The following SPAG16 variants were observed in gnomAD, a reference collection of about 807,000 sequenced individuals.
SPAG16 encodes sperm associated antigen 16, also known as sperm-associated antigen 16 protein.
A neutral mutation model predicts 80.4 loss-of-function variants in SPAG16; 86 were observed. The ratio of observed to expected loss-of-function variants is 1.07; its 90% CI spans 0.90 to 1.28. SPAG16 has a LOEUF of 1.28. SPAG16 is among the 50% of genes most tolerant of loss of function. The pLI, the probability that SPAG16 is intolerant of heterozygous loss-of-function variation, is 0.00. For missense variants in SPAG16, 870 were observed against 765.3 expected (o/e 1.14, Z -1.61); for synonymous variants, 294 against 265.9 (o/e 1.11, Z -1.03).
At chr2:214,086,193 A>G (rs1299155800) in intron 13 of SPAG16, among the ~76,000 whole-genome samples, 1 of 152,114 alleles carries the variant, frequency 6.6e-6, no homozygotes, top group Admixed American at 6.6e-5. Context: ...ATTTTCTTTC[A>G]TTTCATTTCA....
chr2:213,407,122 C>G (rs1442304455), intron 9 of SPAG16, among the ~76,000 whole-genome samples: 1 of 152,112 alleles, frequency 6.6e-6, no homozygotes, highest in African/African-American at 2.4e-5. Context: ...TCACAAACAA[C>G]CCTGCTTGCA....
At chr2:213,415,384 G>A (rs779455190) in intron 9 of SPAG16, among the ~76,000 whole-genome samples, 11 of 152,178 alleles carry the variant, frequency 7.2e-5, no homozygotes, top group East Asian at 1.9e-4. Context: ...TCTCTGAAGC[G>A]GCTTAGAAAC....
chr2:214,157,908 C>A (rs2056282720), intron 15 of SPAG16, among the ~76,000 whole-genome samples: 1 of 151,986 alleles, frequency 6.6e-6, no homozygotes, highest in African/African-American at 2.4e-5. Flanking sequence ...CAACTTTAAG[C>A]ACAATGTTTT....
intron 7 of SPAG16, among the ~76,000 whole-genome samples, chr2:213,361,374 G>A (rs2065968396): frequency 6.7e-6 from 1 of 149,650 alleles, no homozygotes; most frequent in South Asian, 2.1e-4. Context: ...ATGTGTGTGT[G>A]TGTGTATATA....
intron 5 of SPAG16, among the ~76,000 whole-genome samples, chr2:213,332,614 T>C (rs957423315): frequency 1.3e-5 from 2 of 151,982 alleles, no homozygotes; most frequent in African/African-American, 4.8e-5. Context: ...TGATGTTGAT[T>C]CAAAAATCAA....
At chr2:213,896,801 A>G (rs1268127274) in intron 11 of SPAG16, among the ~76,000 whole-genome samples, 1 of 152,060 alleles carries the variant, frequency 6.6e-6, no homozygotes, top group African/African-American at 2.4e-5. Flanking sequence ...ATGTTCTCAC[A>G]TGTTCTCACT....
chr2:214,278,195 G>GC (rs954750750), intron 15 of SPAG16, among the ~76,000 whole-genome samples: 3 of 152,140 alleles, frequency 2.0e-5, no homozygotes, highest in African/African-American at 7.2e-5. Context: ...AGGCGGGAGT[G>GC]CCCCATTTTT....
At chr2:213,943,128 T>C (rs901582189) in intron 12 of SPAG16, among the ~76,000 whole-genome samples, 1 of 152,170 alleles carries the variant, frequency 6.6e-6, no homozygotes, top group Non-Finnish European at 1.5e-5. Context: ...AAATAAATGT[T>C]CATTATTTAA....
chr2:214,008,825 G>T (rs1004205152), intron 12 of SPAG16, among the ~76,000 whole-genome samples: 1 of 152,094 alleles, frequency 6.6e-6, no homozygotes, highest in Non-Finnish European at 1.5e-5. Flanking sequence ...CCTGGAAAAG[G>T]TATTGAGTTC....
chr2:213,607,164 G>C (rs767937497), intron 10 of SPAG16, among the ~76,000 whole-genome samples: 1 of 152,054 alleles, frequency 6.6e-6, no homozygotes, highest in Non-Finnish European at 1.5e-5. Context: ...CTCAAATTCA[G>C]TTTCTTCCAT....
chr2:214,049,259 G>C (rs1210677395), intron 13 of SPAG16, among the ~76,000 whole-genome samples: 2 of 152,152 alleles, frequency 1.3e-5, no homozygotes, highest in Non-Finnish European at 2.9e-5. Context: ...ATGGAGCTTT[G>C]TTGTATTAAA....
At chr2:213,675,710 A>G (rs1261706095) in intron 10 of SPAG16, among the ~76,000 whole-genome samples, 4 of 152,010 alleles carry the variant, frequency 2.6e-5, no homozygotes, top group Admixed American at 6.5e-5. Flanking sequence ...TTGTGGCGTT[A>G]TTTCTGAGGG....
intron 15 of SPAG16, among the ~76,000 whole-genome samples, chr2:214,296,284 T>TATCA (rs1238968909): frequency 1.3e-5 from 2 of 152,226 alleles, no homozygotes; most frequent in Admixed American, 1.3e-4. Context: ...TGTTTAATCC[T>TATCA]ATCATCCATT....
chr2:214,101,399 C>T (rs555775422), intron 13 of SPAG16, among the ~76,000 whole-genome samples: 5 of 152,196 alleles, frequency 3.3e-5, no homozygotes, highest in Admixed American at 1.3e-4. Flanking sequence ...ATCTCTCAGC[C>T]ATGACCTTGA....
intron 12 of SPAG16, among the ~76,000 whole-genome samples, chr2:213,995,611 AG>A: frequency 6.6e-6 from 1 of 152,260 alleles, no homozygotes; most frequent in African/African-American, 2.4e-5. Context: ...AGTCATTCTT[AG>A]GGCATCTCTT....
Position 214,203,676 on chromosome 2 carries a change from C to T in SPAG16, c.1720+54410C>T, listed in dbSNP as rs147313078. Among the ~76,000 whole-genome samples the T allele has an allele frequency of 2.7e-3, 416 of 152,192 alleles. 1 individual carries two copies. The highest frequency in any genetic ancestry group is 9.4e-3 in the African/African-American group (389 of 41,518). The stretch of plus-strand genomic sequence containing the variant: ...GTGGGAAGAGCCCTGTGGACACTCG[C>T]GGTCCCCAGGGAAGCCATTTCTGAC... On this transcript the variant is annotated intron_variant, in intron 15 of 15. Transcript: ENST00000331683.
At chr2:214,382,991 G>C (rs10175455) in intron 15 of SPAG16, among the ~76,000 whole-genome samples, 130,672 of 151,338 alleles carry the variant, frequency 0.86, 56,495 homozygotes, top group Middle Eastern at 0.89. Flanking sequence ...CTACTTTCAT[G>C]CCCCTGCCTC....
At chr2:213,684,209 A>G (rs182926791) in intron 10 of SPAG16, among the ~76,000 whole-genome samples, 1 of 152,346 alleles carries the variant, frequency 6.6e-6, no homozygotes, top group African/African-American at 2.4e-5. Context: ...AGATCAAAAT[A>G]TCAGTCATTT....
chr2:213,357,303 G>A lies in SPAG16; in HGVS notation c.762+6658G>A, dbSNP rs534157219. Among the ~76,000 whole-genome samples the A allele has an allele frequency of 8.5e-5, 13 of 152,174 alleles. 1 individual carries two copies. The East Asian group carries it at 2.5e-3, about 29-fold the overall frequency. ...GGTGAAGAGCTGAGTTGAAGTCCTG[G>A]ATATCCTTGTTAACCTTCTGTCTCG... On this transcript the variant is annotated intron_variant, in intron 7 of 15. Transcript: ENST00000331683.
Sources: gnomAD v4.1 joint callset for allele counts (sites outside exome capture counted in the v4.1 genomes callset) on GRCh38, gnomAD v4.1.1 for gene constraint, MANE v1.5 for transcripts, NCBI Gene and HGNC (gene_info 2026-07-23, HGNC 2026-07-21) for gene names.